RGS7: variants seen among roughly 807,000 people sequenced by gnomAD.
The protein encoded by RGS7 is regulator of G protein signaling 7.
A neutral mutation model predicts 81.1 loss-of-function variants in RGS7; 27 were observed. The ratio of observed to expected loss-of-function variants is 0.33; its 90% confidence interval spans 0.25 to 0.46. The LOEUF (loss-of-function observed/expected upper bound fraction) is 0.46, where lower values mean the gene tolerates loss of function less well. RGS7 is among the 20% of genes least tolerant of loss of function. RGS7 has a pLI of 1.00. For synonymous variants in RGS7, 208 were observed against 207.7 expected, an observed-to-expected ratio of 1.00 and a Z score of -0.01; for missense variants, 396 against 607.4, an observed-to-expected ratio of 0.65 and a Z score of 3.66.
At chr1:241,241,281 G>A (rs185736880) in intron 2 of RGS7, among the ~76,000 whole-genome samples, 142 of 152,074 alleles carry the variant, frequency 9.3e-4, no homozygotes, top group Admixed American at 5.9e-4. Flanking sequence ...AGTAGAAGTT[G>A]TCATTTTTCT....
At chr1:241,212,466 C>T (rs1044969052) in intron 2 of RGS7, among the ~76,000 whole-genome samples, 2 of 152,106 alleles carry the variant, frequency 1.3e-5, no homozygotes, top group Non-Finnish European at 2.9e-5. Flanking sequence ...TTGTGCTGGA[C>T]CTCATAAATT....
At chr1:240,958,645 T>C (rs542961195) in intron 4 of RGS7, among the ~76,000 whole-genome samples, 1 of 152,332 alleles carries the variant, frequency 6.6e-6, no homozygotes, top group East Asian at 1.9e-4. Context: ...CTTTACATTA[T>C]GTATACGAGT....
chr1:241,193,596 A>G (rs2072851664), intron 2 of RGS7, among the ~76,000 whole-genome samples: 1 of 152,248 alleles, frequency 6.6e-6, no homozygotes, highest in Non-Finnish European at 1.5e-5. Context: ...ACATATAGAC[A>G]AATGGTCTAG....
At chr1:241,309,010 CA>C (rs2080340353) in intron 2 of RGS7, among the ~76,000 whole-genome samples, 2 of 152,154 alleles carry the variant, frequency 1.3e-5, no homozygotes, top group Non-Finnish European at 1.5e-5. Flanking sequence ...GAGGAACACA[CA>C]AACTGGTCAT....
intron 2 of RGS7, among the ~76,000 whole-genome samples, chr1:241,210,330 A>C (rs2074173613): frequency 6.6e-6 from 1 of 152,038 alleles, no homozygotes; most frequent in Admixed American, 6.6e-5. Flanking sequence ...TTGTATTTTT[A>C]GTAGAGATGG....
chr1:241,214,699 T>C (rs1573169008), intron 2 of RGS7, among the ~76,000 whole-genome samples: 1 of 152,182 alleles, frequency 6.6e-6, no homozygotes, highest in South Asian at 2.1e-4. Context: ...TTAAAATCTT[T>C]TTTTAAATTT....
At chr1:240,985,949 TTAAA>T (rs71172667) in intron 3 of RGS7, among the ~76,000 whole-genome samples, 5,766 of 144,564 alleles carry the variant, frequency 0.04, 143 homozygotes, top group African/African-American at 0.065. Context: ...CAGCTTTATA[TTAAA>T]TAAATAAATA....
intron 3 of RGS7, among the ~76,000 whole-genome samples, chr1:241,014,988 G>A (rs1052514581): frequency 2.6e-5 from 4 of 152,292 alleles, no homozygotes; most frequent in African/African-American, 7.2e-5. Context: ...GGGAAATAGC[G>A]TGAGGTAACA....
intron 3 of RGS7, among the ~76,000 whole-genome samples, chr1:241,031,676 T>C (rs991979568): frequency 7.9e-5 from 12 of 152,200 alleles, no homozygotes; most frequent in Non-Finnish European, 1.6e-4. Flanking sequence ...TTCAGACTGG[T>C]GTAAGATGAT....
At chr1:241,302,394 A>G (rs748135442) in intron 2 of RGS7, among the ~76,000 whole-genome samples, 2 of 152,132 alleles carry the variant, frequency 1.3e-5, no homozygotes, top group Non-Finnish European at 2.9e-5. Flanking sequence ...CTAAAAATAC[A>G]AAAAATTAGC....
intron 2 of RGS7, among the ~76,000 whole-genome samples, chr1:241,204,381 G>C (rs1397889396): frequency 2.6e-5 from 4 of 152,174 alleles, no homozygotes; most frequent in Non-Finnish European, 5.9e-5. Context: ...GCAGGGGGTG[G>C]ATAGATAAGA....
intron 3 of RGS7, among the ~76,000 whole-genome samples, chr1:241,026,387 A>T (rs1274333023): frequency 1.3e-5 from 2 of 152,164 alleles, no homozygotes; most frequent in African/African-American, 4.8e-5. Flanking sequence ...CAGGGGTTAG[A>T]GACCAGCCTG....
intron 10 of RGS7, among the ~76,000 whole-genome samples, chr1:240,823,921 C>T (rs966575392): frequency 4.7e-5 from 7 of 149,990 alleles, no homozygotes; most frequent in East Asian, 2.0e-4. Flanking sequence ...AACATCAGAC[C>T]GACAGTTCCC....
chr1:240,914,209 T>C (rs1183347591), intron 6 of RGS7, among the ~76,000 whole-genome samples: 5 of 152,148 alleles, frequency 3.3e-5, no homozygotes, highest in African/African-American at 1.2e-4. Flanking sequence ...AGAACAAACA[T>C]TGGAACATTA....
intron 2 of RGS7, among the ~76,000 whole-genome samples, chr1:241,332,088 C>T (rs1323306255): frequency 2.6e-5 from 4 of 152,168 alleles, no homozygotes; most frequent in Admixed American, 2.6e-4. Context: ...GACTTTCAAA[C>T]ATTTATTCCA....
At chr1:241,191,384 C>G (rs1324041941) in intron 2 of RGS7, among the ~76,000 whole-genome samples, 2 of 151,838 alleles carry the variant, frequency 1.3e-5, no homozygotes, top group Non-Finnish European at 2.9e-5. Flanking sequence ...GCCTTTTTTT[C>G]TTTAGCCTGT....
intron 2 of RGS7, among the ~76,000 whole-genome samples, chr1:241,268,723 T>G (rs1445121877): frequency 6.6e-6 from 1 of 152,210 alleles, no homozygotes; most frequent in African/African-American, 2.4e-5. Flanking sequence ...TGTGTCATTA[T>G]GGGACTCTAA....
rs778017157 is a variant in RGS7, at chr1:241,106,752, C to CCACA, written c.79-7994_79-7991dup. ...AAAAAAAAAAAAACCAACACCACCA[C>CCACA]CACACACACACACACACACACACAC... is the stretch of plus-strand genomic sequence containing the variant. On this transcript the variant is annotated intron_variant, in intron 2 of 18. Transcript: ENST00000440928. Among the ~76,000 whole-genome samples the CCACA allele has an allele frequency of 5.6e-3, 675 of 121,598 alleles. 13 individuals carry two copies. The highest frequency in any genetic ancestry group is 0.015 in the African/African-American group (455 of 30,318). The allele number at this position is 121,598 out of a possible 152,430, so 79.8% of individuals were successfully genotyped here.
At chr1:241,072,264 G>A (rs184628025) in intron 3 of RGS7, among the ~76,000 whole-genome samples, 12 of 152,334 alleles carry the variant, frequency 7.9e-5, no homozygotes, top group South Asian at 2.1e-4. Context: ...GGCCTGTGGC[G>A]TTGCATGCTC....
Sources: gnomAD v4.1 joint callset for allele counts (sites outside exome capture counted in the v4.1 genomes callset) on GRCh38, gnomAD v4.1.1 for gene constraint, MANE v1.5 for transcripts, NCBI Gene and HGNC (gene_info 2026-07-23, HGNC 2026-07-21) for gene names.